The following KCNIP4 variants were observed in gnomAD, a reference collection of about 807,000 sequenced individuals.
KCNIP4 encodes potassium voltage-gated channel interacting protein 4, also known as Kv channel-interacting protein 4.
In KCNIP4, 12 loss-of-function variants were observed where a neutral mutation model predicts 34.0. The observed-to-expected ratio is 0.35, with a 90% CI of 0.23 to 0.57. KCNIP4 has a LOEUF of 0.57. Ranked by LOEUF, KCNIP4 falls within the 20% of genes least tolerant of loss-of-function variation. The pLI is 0.83. For missense variants in KCNIP4, 238 were observed against 311.7 expected, an observed-to-expected ratio of 0.76 and a Z score of 1.78; for synonymous variants, 124 against 102.2, an observed-to-expected ratio of 1.21 and a Z score of -1.29.
intron 1 of KCNIP4, among the ~76,000 whole-genome samples, chr4:21,323,182 C>A (rs1481276612): frequency 7.0e-6 from 1 of 143,050 alleles, no homozygotes; most frequent in Non-Finnish European, 1.5e-5. Flanking sequence ...ATATGGAATA[C>A]ATGAGATATG....
At chr4:20,866,595 A>C (rs1560527851) in intron 2 of KCNIP4, among the ~76,000 whole-genome samples, 1 of 152,076 alleles carries the variant, frequency 6.6e-6, no homozygotes, top group Admixed American at 6.6e-5. Context: ...TGAGAATTGG[A>C]ACATGACAAA....
intron 1 of KCNIP4, among the ~76,000 whole-genome samples, chr4:21,439,038 T>C (rs1727209442): frequency 6.6e-6 from 1 of 151,526 alleles, no homozygotes; most frequent in South Asian, 2.1e-4. Context: ...GGCGGGCGCC[T>C]GTAGTCCCAG....
chr4:21,635,082 A>G (rs1156246876), intron 1 of KCNIP4, among the ~76,000 whole-genome samples: 1 of 152,210 alleles, frequency 6.6e-6, no homozygotes, highest in African/African-American at 2.4e-5. Flanking sequence ...TCAAAACAAT[A>G]TAACACAAAT....
At chr4:21,829,343 GTCAT>G (rs1258185399) in intron 1 of KCNIP4, among the ~76,000 whole-genome samples, 2 of 152,042 alleles carry the variant, frequency 1.3e-5, no homozygotes, top group Non-Finnish European at 2.9e-5. Flanking sequence ...GGGGGTGATG[GTCAT>G]TCAAACATTC....
intron 1 of KCNIP4, among the ~76,000 whole-genome samples, chr4:21,603,309 C>G (rs990566573): frequency 2.0e-5 from 3 of 151,606 alleles, no homozygotes; most frequent in African/African-American, 7.3e-5. Flanking sequence ...TCATAGAGAT[C>G]ACTAAAATTT....
chr4:21,049,014 G>A (rs1183432980), intron 1 of KCNIP4, among the ~76,000 whole-genome samples: 1 of 142,076 alleles, frequency 7.0e-6, no homozygotes, highest in East Asian at 2.1e-4. Flanking sequence ...GCAGTGGCGC[G>A]ATCTCGGCTC....
At chr4:21,546,993 C>T (rs1391641114) in intron 1 of KCNIP4, among the ~76,000 whole-genome samples, 4 of 152,124 alleles carry the variant, frequency 2.6e-5, no homozygotes, top group African/African-American at 7.2e-5. Context: ...ATTTCTCTTC[C>T]TTTCTACCAC....
At chr4:21,906,836 GCATC>G (rs1332630679) in intron 1 of KCNIP4, among the ~76,000 whole-genome samples, 2 of 152,072 alleles carry the variant, frequency 1.3e-5, no homozygotes, top group Non-Finnish European at 2.9e-5. Flanking sequence ...AATAAGGTAT[GCATC>G]CAAAGCAAAA....
intron 2 of KCNIP4, among the ~76,000 whole-genome samples, chr4:20,861,964 G>C (rs1172796354): frequency 7.6e-6 from 1 of 130,856 alleles, no homozygotes; most frequent in Non-Finnish European, 1.6e-5. Context: ...GCCCCTTATG[G>C]TAGGAGTTAT....
At chr4:21,470,980 T>G (rs1014873836) in intron 1 of KCNIP4, among the ~76,000 whole-genome samples, 1 of 152,172 alleles carries the variant, frequency 6.6e-6, no homozygotes, top group African/African-American at 2.4e-5. Flanking sequence ...ATCAGCAGCA[T>G]CAGCATCTTC....
rs1364451216 is a variant in KCNIP4 at position 20,751,055 on chromosome 4, C to T, written c.359-1323G>A. On this transcript the variant is annotated intron_variant, in intron 4 of 8. Transcript: ENST00000382152. The stretch of plus-strand genomic sequence containing the variant: ...ACGGCCTCCTTACAGGTTGTTTTTC[C>T]CGAATGCTTCAGTGTAGTAATTAAC... 2.0e-5 allele frequency among the ~76,000 whole-genome samples: 3 copies of T among 152,236 alleles called. No individual in the cohort carries two copies. The East Asian group carries it at 5.8e-4, about 29-fold the overall frequency.
intron 1 of KCNIP4, among the ~76,000 whole-genome samples, chr4:21,210,293 T>C (rs1452787932): frequency 2.6e-5 from 4 of 152,240 alleles, no homozygotes; most frequent in Non-Finnish European, 5.9e-5. Context: ...AAAGCCAGTA[T>C]GGAAGGAGGA....
At chr4:21,244,459 T>C (rs910323455) in intron 1 of KCNIP4, among the ~76,000 whole-genome samples, 1 of 152,218 alleles carries the variant, frequency 6.6e-6, no homozygotes, top group African/African-American at 2.4e-5. Flanking sequence ...TATATTACAA[T>C]CACAGATATT....
chr4:20,786,549 T>C (rs1184849077), intron 3 of KCNIP4, among the ~76,000 whole-genome samples: 1 of 152,176 alleles, frequency 6.6e-6, no homozygotes, highest in Non-Finnish European at 1.5e-5. Context: ...CATAGTGTTG[T>C]AGTTAGCAAT....
chr4:21,289,844 A>C (rs991886368), intron 1 of KCNIP4, among the ~76,000 whole-genome samples: 1 of 152,194 alleles, frequency 6.6e-6, no homozygotes, highest in Non-Finnish European at 1.5e-5. Context: ...AGAATTGCCA[A>C]GCAGCCACAG....
chr4:20,799,937 G>T (rs895805199), intron 3 of KCNIP4, among the ~76,000 whole-genome samples: 3 of 152,186 alleles, frequency 2.0e-5, no homozygotes, highest in Admixed American at 6.5e-5. Flanking sequence ...GCTAGAGTTT[G>T]TCTCAAAGCA....
intron 3 of KCNIP4, among the ~76,000 whole-genome samples, chr4:20,808,050 T>G (rs1478581478): frequency 2.0e-5 from 3 of 152,120 alleles, no homozygotes; most frequent in Non-Finnish European, 4.4e-5. Flanking sequence ...TTAATCTGAC[T>G]CCATGCAAGG....
chr4:21,726,041 T>C lies in KCNIP4; in HGVS notation c.61+222530A>G, dbSNP rs367804461. On this transcript the variant is annotated intron_variant, in intron 1 of 8. Transcript: ENST00000382152. Reference sequence around the variant, plus strand: ...GTTATATAGGTTAGAGGTATACATATGGAAATAGCTCAATTCCTATCAAGT... The same window carrying C: ...GTTATATAGGTTAGAGGTATACATACGGAAATAGCTCAATTCCTATCAAGT... 3.3e-5 allele frequency among the ~76,000 whole-genome samples: 5 copies of C among 152,284 alleles called. No individual in the cohort carries two copies. In the East Asian group the frequency reaches 5.8e-4, roughly 18 times the overall value.
At chr4:21,720,772 G>GC in intron 1 of KCNIP4, among the ~76,000 whole-genome samples, 1 of 146,900 alleles carries the variant, frequency 6.8e-6, no homozygotes, top group East Asian at 2.0e-4. Flanking sequence ...TGCGGTGTTT[G>GC]TTTTTTTGTC....
Sources: gnomAD v4.1 joint callset for allele counts (sites outside exome capture counted in the v4.1 genomes callset) on GRCh38, gnomAD v4.1.1 for gene constraint, MANE v1.5 for transcripts, NCBI Gene and HGNC (gene_info 2026-07-23, HGNC 2026-07-21) for gene names.